Variants in CPQ observed in about 807,000 individuals in gnomAD.
The protein encoded by CPQ is Ser-Met dipeptidase.
A neutral mutation model predicts 45.7 loss-of-function variants in CPQ; 37 were observed. That is an observed-to-expected ratio of 0.81 (90% CI 0.62 to 1.07). The LOEUF (loss-of-function observed/expected upper bound fraction) is 1.07. CPQ is among the 50% of genes least tolerant of loss of function. The pLI, the probability that CPQ is intolerant of heterozygous loss-of-function variation, is 0.00. For missense variants in CPQ, 537 were observed against 572.9 expected (o/e 0.94, Z 0.64); for synonymous variants, 186 against 205.8 (o/e 0.90, Z 0.82).
intron 1 of CPQ, among the ~76,000 whole-genome samples, chr8:96,742,214 C>G (rs1157238131): frequency 1.3e-5 from 2 of 152,094 alleles, no homozygotes; most frequent in African/African-American, 2.4e-5. Context: ...GAATTGATCC[C>G]TTTACCATTA....
chr8:97,022,771 A>G (rs74201372), intron 5 of CPQ, among the ~76,000 whole-genome samples: 13 of 151,972 alleles, frequency 8.6e-5, no homozygotes, highest in African/African-American at 2.9e-4. Flanking sequence ...ACACTTCTGC[A>G]CTGCTGGTGG....
At chr8:96,716,954 A>G (rs1201763218) in intron 1 of CPQ, among the ~76,000 whole-genome samples, 1 of 144,520 alleles carries the variant, frequency 6.9e-6, no homozygotes, top group Non-Finnish European at 1.5e-5. Context: ...ATAATCTTCA[A>G]TTCCATCCAT....
intron 4 of CPQ, among the ~76,000 whole-genome samples, chr8:96,920,253 G>A (rs558766278): frequency 6.6e-5 from 10 of 152,218 alleles, no homozygotes; most frequent in South Asian, 2.1e-4. Flanking sequence ...GGAAGCAGTG[G>A]CACTTTCTTC....
intron 5 of CPQ, among the ~76,000 whole-genome samples, chr8:97,017,860 C>A (rs1053172403): frequency 1.3e-4 from 20 of 152,244 alleles, no homozygotes; most frequent in Non-Finnish European, 2.8e-4. Flanking sequence ...ACCCACCCAC[C>A]ACCTGTTCCT....
chr8:97,031,956 T>C (rs1270553021), intron 6 of CPQ, among the ~76,000 whole-genome samples: 1 of 152,240 alleles, frequency 6.6e-6, no homozygotes, highest in Non-Finnish European at 1.5e-5. Context: ...AGCATATTGA[T>C]ATTGACATTA....
intron 5 of CPQ, among the ~76,000 whole-genome samples, chr8:97,021,656 C>T (rs1398577519): frequency 1.3e-5 from 2 of 152,092 alleles, no homozygotes. Context: ...ATATACCTAA[C>T]CAAGGATGTG....
chr8:96,750,419 A>C (rs979797016), intron 1 of CPQ, among the ~76,000 whole-genome samples: 4 of 152,048 alleles, frequency 2.6e-5, no homozygotes, highest in South Asian at 2.1e-4. Context: ...AACAGAGTAC[A>C]TGTGTGATAT....
chr8:97,105,283 C>G (rs1257672937), intron 7 of CPQ, among the ~76,000 whole-genome samples: 4 of 152,198 alleles, frequency 2.6e-5, no homozygotes, highest in African/African-American at 9.7e-5. Flanking sequence ...TTTGACAACT[C>G]TGGATACCTC....
chr8:97,005,932 C>G (rs1182423701), intron 5 of CPQ, among the ~76,000 whole-genome samples: 1 of 152,132 alleles, frequency 6.6e-6, no homozygotes, highest in African/African-American at 2.4e-5. Context: ...TAAAAAAGAT[C>G]ATTGCCTATT....
intron 1 of CPQ, among the ~76,000 whole-genome samples, chr8:96,782,278 C>A (rs1339558489): frequency 6.6e-6 from 1 of 152,166 alleles, no homozygotes; most frequent in African/African-American, 2.4e-5. Context: ...TGTGTGCCTG[C>A]AGAATTGGCA....
chr8:97,057,134 A>G (rs1441706341), intron 6 of CPQ, among the ~76,000 whole-genome samples: 2 of 152,288 alleles, frequency 1.3e-5, no homozygotes, highest in East Asian at 3.9e-4. Context: ...TAACACCAAG[A>G]CAGGGGATGT....
At chr8:97,118,926 C>T (rs947320475) in intron 7 of CPQ, among the ~76,000 whole-genome samples, 4 of 152,074 alleles carry the variant, frequency 2.6e-5, no homozygotes, top group African/African-American at 7.2e-5. Context: ...TTTGCATACT[C>T]TATGATTGCT....
At chr8:96,722,757 C>T (rs529044793) in intron 1 of CPQ, among the ~76,000 whole-genome samples, 3 of 152,138 alleles carry the variant, frequency 2.0e-5, no homozygotes, top group Non-Finnish European at 2.9e-5. Context: ...CCAGTGTACT[C>T]CTCTCCGTAT....
At chr8:96,798,303 G>C (rs1048980432) in intron 2 of CPQ, among the ~76,000 whole-genome samples, 1 of 151,500 alleles carries the variant, frequency 6.6e-6, no homozygotes, top group Non-Finnish European at 1.5e-5. Flanking sequence ...CTAATTTTTC[G>C]ATTTTTTTTA....
chr8:96,697,618 C>G (rs1809403079), intron 1 of CPQ, among the ~76,000 whole-genome samples: 1 of 152,096 alleles, frequency 6.6e-6, no homozygotes, highest in Admixed American at 6.6e-5. Flanking sequence ...AACCTGAAGA[C>G]TCCACCAAAA....
At chr8:96,744,933 A>T (rs1173094721) in intron 1 of CPQ, among the ~76,000 whole-genome samples, 4 of 152,202 alleles carry the variant, frequency 2.6e-5, no homozygotes, top group African/African-American at 9.7e-5. Context: ...TGAATCACCC[A>T]ATCACTGATC....
At chr8:96,802,037 CTG>C (rs770336856) in intron 2 of CPQ, among the ~76,000 whole-genome samples, 9 of 152,096 alleles carry the variant, frequency 5.9e-5, no homozygotes, top group Admixed American at 3.9e-4. Context: ...CAGCTTCTCT[CTG>C]TGTGTCTTTT....
chr8:97,004,781 A>G (rs1809350560), intron 5 of CPQ, among the ~76,000 whole-genome samples: 1 of 152,190 alleles, frequency 6.6e-6, no homozygotes, highest in Non-Finnish European at 1.5e-5. Context: ...AAAATGAAGA[A>G]TATACATATG....
At chr8:96,877,106 G>A (rs552225006) in intron 3 of CPQ, among the ~76,000 whole-genome samples, 8 of 152,192 alleles carry the variant, frequency 5.3e-5, no homozygotes, top group South Asian at 4.2e-4. Flanking sequence ...GGGACAGGAC[G>A]GTGGTGTTTG....
Sources: allele counts gnomAD v4.1 joint callset (sites outside exome capture counted in the v4.1 genomes callset), GRCh38; gene constraint gnomAD v4.1.1; transcripts MANE v1.5; gene names NCBI Gene and HGNC (gene_info 2026-07-23, HGNC 2026-07-21).